CERT1: variants seen among roughly 807,000 people sequenced by gnomAD.
CERT1 encodes ceramide transporter 1, also known as ceramide transfer protein.
A neutral mutation model predicts 87.9 loss-of-function variants in CERT1; 31 were observed. The observed-to-expected ratio is 0.35, with a 90% CI of 0.27 to 0.48. The LOEUF (loss-of-function observed/expected upper bound fraction) is 0.48. CERT1 is among the 20% of genes least tolerant of loss of function. CERT1 has a pLI of 0.99. For synonymous variants in CERT1, 289 were observed against 250.9 expected (o/e 1.15, Z -1.44); for missense variants, 487 against 758.0 (o/e 0.64, Z 4.20).
intron 3 of CERT1, among the ~76,000 whole-genome samples, chr5:75,441,426 C>T (rs1305418222): frequency 6.6e-6 from 1 of 152,178 alleles, no homozygotes; most frequent in African/African-American, 2.4e-5. Flanking sequence ...TATAAGGATA[C>T]ACTACATGTT....
intron 12 of CERT1, 72 bp from the exon 13 acceptor site, chr5:75,386,106 T>C (rs1761774225): frequency 8.7e-7 from 1 of 1,153,114 alleles, no homozygotes; most frequent in South Asian, 2.9e-5. Flanking sequence ...AAGCATGCTT[T>C]TAATACAGCT....
chr5:75,417,904 C>T (rs1290914295), intron 6 of CERT1, among the ~76,000 whole-genome samples: 1 of 152,212 alleles, frequency 6.6e-6, no homozygotes, highest in Non-Finnish European at 1.5e-5. Flanking sequence ...CGCCTGTAAT[C>T]CCAGCACTTT....
intron 14 of CERT1, 36 bp downstream of exon 14, chr5:75,384,606 T>C (rs377098641): frequency 1.5e-5 from 22 of 1,454,470 alleles, no homozygotes; most frequent in South Asian, 5.8e-5. Context: ...TTGAACTACA[T>C]TGAAATCCTT....
At chr5:75,397,563 G>A (rs1314453685) in intron 11 of CERT1, among the ~76,000 whole-genome samples, 1 of 152,028 alleles carries the variant, frequency 6.6e-6, no homozygotes, top group East Asian at 1.9e-4. Flanking sequence ...TTCTTTCTTT[G>A]CTGTCATTAT....
intron 4 of CERT1, 22 bp downstream of exon 4, chr5:75,426,349 A>C: frequency 6.6e-7 from 1 of 1,503,888 alleles, no homozygotes; most frequent in African/African-American, 1.4e-5. Flanking sequence ...TGTTTAACTT[A>C]AGGCATCCAT....
chr5:75,399,606 A>C (rs1180154557), intron 10 of CERT1, among the ~76,000 whole-genome samples: 1 of 152,210 alleles, frequency 6.6e-6, no homozygotes, highest in Non-Finnish European at 1.5e-5. Context: ...AAGTAATACC[A>C]TTTAACCCCA....
At chr5:75,382,137 G>T in intron 14 of CERT1, 60 bp from the exon 15 acceptor site, 1 of 1,500,344 alleles carries the variant, frequency 6.7e-7, no homozygotes, top group Non-Finnish European at 9.1e-7. Context: ...CAAGAGAAAC[G>T]TAATGCCAAT....
At chr5:75,375,632 A>AATAG (rs1327603411), downstream of CERT1, 2 of 137,204 alleles carry the variant, frequency 1.5e-5, no homozygotes, top group Non-Finnish European at 3.0e-5. Flanking sequence ...TAAATAAATA[A>AATAG]AATAAATAAA....
chr5:75,439,651 C>T (rs186569434), intron 3 of CERT1, among the ~76,000 whole-genome samples: 8 of 151,910 alleles, frequency 5.3e-5, no homozygotes, highest in Admixed American at 6.6e-5. Flanking sequence ...TTCTGAAACC[C>T]GTAATAAAAT....
chr5:75,411,081 G>T lies in CERT1; in HGVS notation c.860C>A (p.Thr287Lys). The change falls in exon 8 of 17, where the codon ACA becomes AAA. Residue 287 changes from threonine to lysine, a missense_variant. This residue lies in a region of CERT1 where 21 missense variants were observed against 20.4 expected (regional missense o/e 1.03). Coordinates refer to ENST00000643780, the MANE Select transcript of CERT1 (RefSeq NM_001379029.1). ...LDKETEKKRRTEEAYKNAMTE... is the reference protein window; with the variant it reads ...LDKETEKKRRKEEAYKNAMTE... Reference sequence around the variant, plus strand: ...CATTGCATTTTTATATGCTTCCTCTGTTCTTCTTTTCTTCTCAGTTTCCTA... The same window carrying T: ...CATTGCATTTTTATATGCTTCCTCTTTTCTTCTTTTCTTCTCAGTTTCCTA... 1 of 1,581,920 alleles carries T rather than the reference G, an allele frequency of 6.3e-7. No homozygotes were observed.
intron 1 of CERT1, among the ~76,000 whole-genome samples, chr5:75,510,166 T>C (rs1767863905): frequency 6.6e-6 from 1 of 152,124 alleles, no homozygotes. Context: ...GACCAGCTTG[T>C]TGAGGGACTG....
chr5:75,417,719 T>TA (rs1453881672), intron 6 of CERT1, among the ~76,000 whole-genome samples: 3 of 152,204 alleles, frequency 2.0e-5, no homozygotes, highest in Non-Finnish European at 4.4e-5. Flanking sequence ...TTGTGAAACT[T>TA]AAATCAAAAT....
At chr5:75,474,987 G>A (rs1182694963) in intron 2 of CERT1, among the ~76,000 whole-genome samples, 1 of 151,942 alleles carries the variant, frequency 6.6e-6, no homozygotes, top group Non-Finnish European at 1.5e-5. Context: ...GAGGACTGAG[G>A]TGTTAAAGGA....
chr5:75,467,594 T>C (rs930348686), intron 2 of CERT1, among the ~76,000 whole-genome samples: 4 of 150,230 alleles, frequency 2.7e-5, no homozygotes, highest in African/African-American at 9.8e-5. Context: ...TGAGCCAAGA[T>C]TGTGCCATAG....
intron 2 of CERT1, among the ~76,000 whole-genome samples, chr5:75,500,495 T>C (rs1214764666): frequency 6.6e-6 from 1 of 152,196 alleles, no homozygotes; most frequent in Non-Finnish European, 1.5e-5. Context: ...AATCATGTTA[T>C]TGAAAGATGG....
chr5:75,437,522 T>C (rs1764145492), intron 3 of CERT1, among the ~76,000 whole-genome samples: 1 of 152,060 alleles, frequency 6.6e-6, no homozygotes, highest in African/African-American at 2.4e-5. Context: ...TCCCAGCACT[T>C]TGGGAGGCCA....
rs1223424025 is a variant in CERT1, at chr5:75,378,259, A to C, written c.*1087T>G. The C allele has an allele frequency of 6.6e-6, 1 of 152,232 alleles. No homozygotes were observed. The highest frequency in any genetic ancestry group is 1.5e-5 in the Non-Finnish European group (1 of 68,096). 9.4% of individuals were successfully genotyped at this position (152,232 alleles called of 1,614,324 possible). A position where few individuals can be genotyped will look rare whatever the true frequency, so the allele number is the denominator to read the frequency against. ...ACATGGTGAAACCCTGCCTCTACTA[A>C]AAATACAAAAATAGGCTGGGCGTGG... On this transcript the variant is annotated 3_prime_UTR_variant, in exon 17 of 17. Transcript: ENST00000643780.
chr5:75,427,913 AATT>A (rs1763691514), intron 3 of CERT1, among the ~76,000 whole-genome samples: 2 of 151,934 alleles, frequency 1.3e-5, no homozygotes, highest in African/African-American at 4.8e-5. Context: ...AATAATATCT[AATT>A]ATTTTTAGTA....
chr5:75,400,212 A>G lies in CERT1; in HGVS notation c.1103T>C (p.Val368Ala). Residue 368 changes from valine to alanine, a missense_variant, in exon 10 of 17, where the codon GTC (valine) becomes GCC (alanine). By Grantham distance (64) the Val-to-Ala change is moderately conservative. Around this residue, in one of 8 missense-constraint regions of CERT1, gnomAD observed 91 missense variants for 86.7 expected, o/e 1.05. Transcript: ENST00000643780. ...AFSSVGTHRF[V>A]QKPYSRSSSM... ...ACTCTGACATTAGCTTACCTTTTGG[A>G]CAAATCTATGTGTCCCCACAGAAGA... 6.2e-7 allele frequency: 1 copy of G among 1,607,258 alleles called. No homozygotes were observed.
Sources: gnomAD v4.1 joint callset for allele counts (sites outside exome capture counted in the v4.1 genomes callset) on GRCh38, gnomAD v4.1.1 for gene constraint, gnomAD v4.1.1 regional missense constraint, MANE v1.5 for transcripts, NCBI Gene and HGNC (gene_info 2026-07-23, HGNC 2026-07-21) for gene names.